The following NRBP2 variants were observed in gnomAD, a reference collection of about 807,000 sequenced individuals.
The protein encoded by NRBP2 is nuclear receptor-binding protein 2.
A neutral mutation model predicts 74.4 loss-of-function variants in NRBP2; 47 were observed. The ratio of observed to expected loss-of-function variants is 0.63; its 90% CI spans 0.50 to 0.81. NRBP2 has a LOEUF of 0.81. NRBP2 is among the 30% of genes least tolerant of loss of function. NRBP2 has a pLI of 0.00. For synonymous variants in NRBP2, 312 were observed against 273.8 expected (o/e 1.14, Z -1.38); for missense variants, 613 against 690.1 (o/e 0.89, Z 1.25).
rs142885279 is a variant in NRBP2 at position 143,837,663 on chromosome 8, C to A, written c.933G>T (p.Ser311=). The part of the protein sequence containing the change: ...LFHRVLFEVH[S]LKLLAAHCFI... ...AGCAGTGGGCTGCCAGGAGCTTCAG[C>A]GAGTGCACCTCGAAGAGCACGCGGT... The change falls in exon 11 of 18, where the codon TCG becomes TCT. Residue 311 remains serine, a synonymous_variant. Transcript: ENST00000442628. This position sits in a 1 kb window ranked among gnomAD's most constrained non-coding sequence, Gnocchi z 4.3. The A allele has an allele frequency of 1.9e-5, 31 of 1,595,230 alleles. No individual in the cohort carries two copies. Among genetic ancestry groups the A allele is most frequent in the Non-Finnish European group, 2.3e-5 (27 of 1,171,268 alleles).
chr8:143,839,486 C>A lies in NRBP2; in HGVS notation c.485+23G>T, dbSNP rs1554653008. ...GAGATGGGGGCTCGGTGGCGCCGCG[C>A]CCAGGCCAGCCCAGGCCCTCACCTG... On this transcript the variant is annotated intron_variant, in intron 5 of 17. Transcript: ENST00000442628. This position sits in a 1 kb window ranked among gnomAD's most constrained non-coding sequence, Gnocchi z 5.1. 1 of 1,532,090 alleles carries A rather than the reference C, an allele frequency of 6.5e-7. No homozygotes were observed. Among genetic ancestry groups the A allele is most frequent in the Non-Finnish European group, 8.7e-7 (1 of 1,145,256 alleles). The allele number at this position is 1,532,090 out of a possible 1,614,324, so 94.9% of individuals were successfully genotyped here.
At chr8:143,830,601 C>A (rs1310516709), downstream of NRBP2, among the ~76,000 whole-genome samples, 1 of 152,222 alleles carries the variant, frequency 6.6e-6, no homozygotes, top group Non-Finnish European at 1.5e-5. Context: ...TGGCAGGGCA[C>A]CTAGGGGTAG....
rs1265484614 is a variant in NRBP2 at position 143,835,751 on chromosome 8, G to A, written c.1438-21C>T. The stretch of plus-strand genomic sequence containing the variant: ...TCGTCCTGCGGAAGGAGGGAGGCAT[G>A]GGGGACGGAGGGGCGCGGCCTGCCC... On this transcript the variant is annotated intron_variant, in intron 17 of 17. Transcript: ENST00000442628. The surrounding 1 kb of genome is among the most constrained non-coding windows in gnomAD (Gnocchi z 4.9). 5.0e-6 allele frequency: 8 copies of A among 1,594,174 alleles called. No individual in the cohort carries two copies. Among genetic ancestry groups the A allele is most frequent in the African/African-American group, 1.4e-5 (1 of 73,946 alleles).
Position 143,840,619 on chromosome 8 carries a change from C to T in NRBP2, c.129+87G>A, listed in dbSNP as rs1241171575. ...GAGAGGTTTCCAGCCGCCGCGCTCTCCCAGCGCCCCCACGCCCCGCGCAGC... is the reference window on the plus strand; with the variant it reads ...GAGAGGTTTCCAGCCGCCGCGCTCTTCCAGCGCCCCCACGCCCCGCGCAGC... On this transcript the variant is annotated intron_variant, in intron 1 of 17. Coordinates refer to ENST00000442628, the MANE Select transcript of NRBP2 (RefSeq NM_178564.4). The surrounding 1 kb of genome is among the most constrained non-coding windows in gnomAD (Gnocchi z 5.7). The T allele has an allele frequency of 8.7e-6, 11 of 1,261,384 alleles. No homozygotes were observed. The highest frequency in any genetic ancestry group is 1.1e-5 in the Non-Finnish European group (11 of 962,910). 78.1% of individuals were successfully genotyped at this position (1,261,384 alleles called of 1,614,324 possible).
rs1554653510 is a variant in NRBP2 at position 143,840,716 on chromosome 8, C to T, written c.119G>A (p.Arg40Gln). Reference protein sequence around the residue: ...EESPCGRWQKRREQVNQGNMP... With the variant: ...EESPCGRWQKQREQVNQGNMP... ...AACCCCCGCGCCCACCTGCTCCCGT[C>T]GCTTTTGCCAGCGACCACACGGGCT... Residue 40 changes from arginine (R) to glutamine (Q), a missense_variant, in exon 1 of 18, where the codon CGA becomes CAA. By Grantham distance (43) the Arg-to-Gln change is conservative. This residue lies in a region of NRBP2 where 332 missense variants were observed against 429.2 expected (regional missense o/e 0.77). Transcript: ENST00000442628. This position sits in a 1 kb window ranked among gnomAD's most constrained non-coding sequence, Gnocchi z 5.7. 2 of 1,507,456 alleles carry T rather than the reference C, an allele frequency of 1.3e-6. No individual in the cohort carries two copies. Among genetic ancestry groups the T allele is most frequent in the Non-Finnish European group, 1.8e-6 (2 of 1,133,276 alleles). The allele number at this position is 1,507,456 out of a possible 1,614,324, so 93.4% of individuals were successfully genotyped here. A position where few individuals can be genotyped will look rare whatever the true frequency, so the allele number is the denominator to read the frequency against.
At chr8:143,832,662 C>T (rs1170358066), downstream of NRBP2, among the ~76,000 whole-genome samples, 2 of 152,186 alleles carry the variant, frequency 1.3e-5, no homozygotes, top group Non-Finnish European at 1.5e-5. Context: ...AGCACTTAAT[C>T]GTTTACATTG....
rs985055615 is a variant in NRBP2 at position 143,838,845 on chromosome 8, A to G, written c.744+38T>C. On this transcript the variant is annotated intron_variant, in intron 9 of 17. Coordinates refer to ENST00000442628, the MANE Select transcript of NRBP2 (RefSeq NM_178564.4). ...GTGAGCCAGGCAGGGCACAGTTAGGAGGAGGGCAGAGCACAAGGTGGAGGG... is the reference window on the plus strand; with the variant it reads ...GTGAGCCAGGCAGGGCACAGTTAGGGGGAGGGCAGAGCACAAGGTGGAGGG... 4 of 1,612,772 alleles carry G rather than the reference A, an allele frequency of 2.5e-6. No homozygotes were observed. The South Asian group carries it at 3.3e-5, about 13-fold the overall frequency.
At chr8:143,838,830 C>G in intron 9 of NRBP2, 53 bp downstream of exon 9, 1 of 1,611,968 alleles carries the variant, frequency 6.2e-7, no homozygotes, top group Non-Finnish European at 8.5e-7. Context: ...GTGAGCCAGG[C>G]AGGGCACAGT....
chr8:143,835,167 C>G lies in NRBP2; in HGVS notation c.*495G>C, dbSNP rs1422446276. On this transcript the variant is annotated 3_prime_UTR_variant, in exon 18 of 18. Coordinates refer to ENST00000442628, the MANE Select transcript of NRBP2 (RefSeq NM_178564.4). This position sits in a 1 kb window ranked among gnomAD's most constrained non-coding sequence, Gnocchi z 4.9. ...TGCCCAGTGCCATGCCTGACACCTG[C>G]AGGTGTGTCACCGCTGGCTTGCTGT... is the stretch of plus-strand genomic sequence containing the variant. 2 of 172,372 alleles carry G rather than the reference C, an allele frequency of 1.2e-5. No individual in the cohort carries two copies. The highest frequency in any genetic ancestry group is 1.2e-4 in the Admixed American group (2 of 16,830). The allele number at this position is 172,372 out of a possible 1,614,324, so 10.7% of individuals were successfully genotyped here. A position where few individuals can be genotyped will look rare whatever the true frequency, so the allele number is the denominator to read the frequency against.
downstream of NRBP2, among the ~76,000 whole-genome samples, chr8:143,832,591 G>A (rs1289953523): frequency 4.6e-5 from 7 of 152,338 alleles, no homozygotes; most frequent in African/African-American, 1.4e-4. Flanking sequence ...TGGGACCTGC[G>A]GGCAGCAATA....
Position 143,839,917 on chromosome 8 carries a change from G to GCCCGTGCTCA in NRBP2, c.354+2_354+11dup. ...GTGGTCTCTGCCTGCCCGGGGCCTT[G>GCCCGTGCTCA]CCCGTGCTCACCCTCGCGCAGGCCT... On this transcript the variant is annotated intron_variant, in intron 3 of 17. Coordinates refer to ENST00000442628, the MANE Select transcript of NRBP2 (RefSeq NM_178564.4). This position sits in a 1 kb window ranked among gnomAD's most constrained non-coding sequence, Gnocchi z 5.1. 1 of 1,535,822 alleles carries GCCCGTGCTCA rather than the reference G, an allele frequency of 6.5e-7. No individual in the cohort carries two copies. The highest frequency in any genetic ancestry group is 1.4e-5 in the African/African-American group (1 of 73,160).
intron 14 of NRBP2, among the ~76,000 whole-genome samples, chr8:143,836,501 G>C (rs1195261255): frequency 2.0e-5 from 3 of 152,030 alleles, no homozygotes; most frequent in African/African-American, 4.8e-5. Context: ...AGGCCTCCCA[G>C]AGCCTGGGTG....
In NRBP2 at chr8:143,837,898, C is replaced by T; in HGVS notation, c.841-143G>A. On this transcript the variant is annotated intron_variant, in intron 10 of 17. Transcript: ENST00000442628. The surrounding 1 kb of genome is among the most constrained non-coding windows in gnomAD (Gnocchi z 4.3). ...GCAGGGATGCCCATAGGGAGGAGTC[C>T]CAGCAGCAGCAGCCAGGCCAGGACC... The T allele has an allele frequency of 9.8e-7, 1 of 1,018,890 alleles. No individual in the cohort carries two copies. Among genetic ancestry groups the T allele is most frequent in the Non-Finnish European group, 1.5e-6 (1 of 674,010 alleles). 63.1% of individuals were successfully genotyped at this position (1,018,890 alleles called of 1,614,324 possible).
rs1818606479 is a variant in NRBP2 at position 143,839,653 on chromosome 8, C to T, written c.444+83G>A. The T allele has an allele frequency of 5.3e-6, 8 of 1,517,048 alleles. No individual in the cohort carries two copies. Among genetic ancestry groups the T allele is most frequent in the South Asian group, 4.9e-5 (4 of 81,646 alleles). The allele number at this position is 1,517,048 out of a possible 1,614,324, so 94.0% of individuals were successfully genotyped here. ...TCGCCCAGCCCCTGTCCGAGGCCGCCGGGCACCCCCTCACCATCCCAGTCC... is the reference window on the plus strand; with the variant it reads ...TCGCCCAGCCCCTGTCCGAGGCCGCTGGGCACCCCCTCACCATCCCAGTCC... On this transcript the variant is annotated intron_variant, in intron 4 of 17. Coordinates refer to ENST00000442628, the MANE Select transcript of NRBP2 (RefSeq NM_178564.4). The surrounding 1 kb of genome is among the most constrained non-coding windows in gnomAD (Gnocchi z 5.1).
At position 143,840,506 on chromosome 8, in the gene NRBP2, G is replaced by C; in HGVS notation, c.129+200C>G. On this transcript the variant is annotated intron_variant, in intron 1 of 17. Coordinates refer to ENST00000442628, the MANE Select transcript of NRBP2 (RefSeq NM_178564.4). The surrounding 1 kb of genome is among the most constrained non-coding windows in gnomAD (Gnocchi z 5.7). ...CAGAGGCATGGGGAGGTGGTCCTGGGAGGAGACTGGCCCTCAGGGAGTCCC... is the reference window on the plus strand; with the variant it reads ...CAGAGGCATGGGGAGGTGGTCCTGGCAGGAGACTGGCCCTCAGGGAGTCCC... 1.5e-6 allele frequency: 1 copy of C among 662,340 alleles called. No individual in the cohort carries two copies. The highest frequency in any genetic ancestry group is 2.5e-6 in the Non-Finnish European group (1 of 399,950). 41.0% of individuals were successfully genotyped at this position (662,340 alleles called of 1,614,324 possible). A position where few individuals can be genotyped will look rare whatever the true frequency, so the allele number is the denominator to read the frequency against.
chr8:143,840,262 G>C lies in NRBP2; in HGVS notation c.130-33C>G. 2 of 1,535,116 alleles carry C rather than the reference G, an allele frequency of 1.3e-6. No homozygotes were observed. The highest frequency in any genetic ancestry group is 1.7e-6 in the Non-Finnish European group (2 of 1,146,328). On this transcript the variant is annotated intron_variant, in intron 1 of 17. Transcript: ENST00000442628. This position sits in a 1 kb window ranked among gnomAD's most constrained non-coding sequence, Gnocchi z 5.7. ...TGAATAAAGGGTTATGTGTGCCCTG[G>C]TGTGTGTCAGGGTTGTGGGTGAGGA... is the stretch of plus-strand genomic sequence containing the variant.
At chr8:143,832,493 C>G (rs1292122623), downstream of NRBP2, among the ~76,000 whole-genome samples, 1 of 152,184 alleles carries the variant, frequency 6.6e-6, no homozygotes, top group South Asian at 2.1e-4. Context: ...GTCTCCTGCC[C>G]GTCCCTGGGC....
chr8:143,831,868 C>A (rs1393826553), downstream of NRBP2, among the ~76,000 whole-genome samples: 1 of 152,170 alleles, frequency 6.6e-6, no homozygotes, highest in African/African-American at 2.4e-5. Flanking sequence ...CACAAGAGTT[C>A]TTGGAACTAG....
Position 143,837,948 on chromosome 8 carries a change from TG to T in NRBP2, c.841-194del. ...CTGGTCCTCTGAGCTTGAGGACAGCTGGGTTCTGGGATTGGAGCACCATGCT... is the reference window on the plus strand; with the variant it reads ...CTGGTCCTCTGAGCTTGAGGACAGCTGGTTCTGGGATTGGAGCACCATGCT... On this transcript the variant is annotated intron_variant, in intron 10 of 17. Coordinates refer to ENST00000442628, the MANE Select transcript of NRBP2 (RefSeq NM_178564.4). This position sits in a 1 kb window ranked among gnomAD's most constrained non-coding sequence, Gnocchi z 4.3. The T allele has an allele frequency of 1.4e-6, 1 of 737,012 alleles. No homozygotes were observed. The highest frequency in any genetic ancestry group is 2.4e-6 in the Non-Finnish European group (1 of 417,178). The allele number at this position is 737,012 out of a possible 1,614,324, so 45.7% of individuals were successfully genotyped here. A position where few individuals can be genotyped will look rare whatever the true frequency, so the allele number is the denominator to read the frequency against.
Sources: gnomAD v4.1 joint callset for allele counts (sites outside exome capture counted in the v4.1 genomes callset) on GRCh38, gnomAD v4.1.1 for gene constraint, gnomAD v4.1.1 regional missense constraint, Gnocchi (gnomAD v3.1) non-coding constraint, MANE v1.5 for transcripts, NCBI Gene and HGNC (gene_info 2026-07-23, HGNC 2026-07-21) for gene names.